TTLL9: variants seen among roughly 807,000 people sequenced by gnomAD.
The protein encoded by TTLL9 is probable tubulin polyglutamylase TTLL9.
TTLL9 carries 47 observed loss-of-function variants against 65.6 expected under a neutral mutation model. The ratio of observed to expected loss-of-function variants is 0.72; its 90% confidence interval spans 0.57 to 0.91. The LOEUF is 0.91. Ranked by LOEUF, TTLL9 falls within the 40% of genes least tolerant of loss-of-function variation. The pLI, the probability that TTLL9 is intolerant of heterozygous loss-of-function variation, is 0.00. For synonymous variants in TTLL9, 179 were observed against 204.8 expected, an observed-to-expected ratio of 0.87 and a Z score of 1.07; for missense variants, 537 against 568.8, an observed-to-expected ratio of 0.94 and a Z score of 0.57.
At chr20:31,877,903 A>G (rs894274541) in intron 2 of TTLL9, among the ~76,000 whole-genome samples, 1 of 152,246 alleles carries the variant, frequency 6.6e-6, no homozygotes, top group Non-Finnish European at 1.5e-5. Flanking sequence ...AACATGGTAT[A>G]TCATTGCATT....
chr20:31,939,488 CATT>C, intron 14 of TTLL9: 1 of 412,680 alleles, frequency 2.4e-6, no homozygotes, highest in South Asian at 5.2e-5. Context: ...GATTCACACT[CATT>C]GTAGAATATT....
chr20:31,924,901 T>A, intron 8 of TTLL9, 108 bp from the exon 9 acceptor site: 1 of 1,231,626 alleles, frequency 8.1e-7, no homozygotes, highest in South Asian at 1.3e-5. Flanking sequence ...AGCAGGAGCT[T>A]CATGAAGGCG....
At chr20:31,911,225 C>T (rs753614296) in intron 6 of TTLL9, among the ~76,000 whole-genome samples, 61 of 152,156 alleles carry the variant, frequency 4.0e-4, no homozygotes, top group African/African-American at 6.3e-4. Flanking sequence ...AGGACAACAG[C>T]GCACCTACCA....
At position 31,906,999 on chromosome 20, in the gene TTLL9, A is replaced by G. The variant is rs11907380; in HGVS notation, c.207-1592A>G. ...GGATATACTGTGGCGTGTTCACCCA[A>G]TGGAATGGGAAATGGCAGTTAGAAT... On this transcript the variant is annotated intron_variant, in intron 4 of 14. Transcript: ENST00000535842. 2.0e-3 allele frequency among the ~76,000 whole-genome samples: 305 copies of G among 152,292 alleles called. 1 individual carries two copies. The highest frequency in any genetic ancestry group is 7.0e-3 in the African/African-American group (291 of 41,558).
intron 13 of TTLL9, among the ~76,000 whole-genome samples, chr20:31,938,816 G>A (rs894004076): frequency 6.6e-6 from 1 of 152,162 alleles, no homozygotes. Flanking sequence ...GGCAGAAGTT[G>A]CAGTGAGCCA....
chr20:31,882,236 G>A (rs746656150), intron 2 of TTLL9, among the ~76,000 whole-genome samples: 1 of 152,162 alleles, frequency 6.6e-6, no homozygotes, highest in Non-Finnish European at 1.5e-5. Context: ...AGTTGTGCTG[G>A]GAACTCTCCA....
At position 31,943,834 on chromosome 20, in the gene TTLL9, C is replaced by A. The variant is rs573163089; in HGVS notation, c.*813C>A. On this transcript the variant is annotated 3_prime_UTR_variant, in exon 15 of 15. Coordinates refer to ENST00000535842, the MANE Select transcript of TTLL9 (RefSeq NM_001008409.5). ...CCTGGGCTCATGGGCAGGACAGCTT[C>A]GGGAGTTGAGTGTGAGTAAAAATCT... The A allele has an allele frequency of 2.2e-6, 1 of 456,612 alleles. No individual in the cohort carries two copies. The highest frequency in any genetic ancestry group is 4.4e-6 in the Non-Finnish European group (1 of 226,950). The allele number at this position is 456,612 out of a possible 1,614,324, so 28.3% of individuals were successfully genotyped here.
chr20:31,911,843 TG>T (rs2063656002), intron 6 of TTLL9, among the ~76,000 whole-genome samples: 171 of 59,486 alleles, frequency 2.9e-3, no homozygotes, highest in African/African-American at 7.1e-3. Flanking sequence ...TGTGTGTGTG[TG>T]TGTGTGTGTG....
At chr20:31,935,425 T>C (rs2064093595) in intron 12 of TTLL9, among the ~76,000 whole-genome samples, 2 of 152,146 alleles carry the variant, frequency 1.3e-5, no homozygotes, top group Admixed American at 6.5e-5. Flanking sequence ...TGAGGTCATG[T>C]AGCAAGTCAA....
intron 6 of TTLL9, among the ~76,000 whole-genome samples, chr20:31,916,551 G>T (rs1483104339): frequency 6.6e-6 from 1 of 152,182 alleles, no homozygotes; most frequent in Non-Finnish European, 1.5e-5. Flanking sequence ...AAGGCATTTT[G>T]TTATCTCACA....
chr20:31,897,302 G>C (rs1400784732), intron 3 of TTLL9, among the ~76,000 whole-genome samples: 1 of 152,216 alleles, frequency 6.6e-6, no homozygotes, highest in Non-Finnish European at 1.5e-5. Flanking sequence ...GCTGTCAAAT[G>C]TAGGTGTGTA....
Position 31,939,265 on chromosome 20 carries a change from C to T in TTLL9, c.1242C>T (p.Leu414=), listed in dbSNP as rs754986295. ...GMGNFVTNTH[L]GCVNDRKKQL... ...GAAACTTTGTGACCAACACACATCT[C>T]GGTATGTAGGGCCAGGTGGGGAGTG... is the stretch of plus-strand genomic sequence containing the variant. The change falls in exon 14 of 15, where the codon CTC becomes CTT. Residue 414 remains leucine (L), a splice_region_variant and synonymous_variant. Transcript: ENST00000535842. 4.0e-5 allele frequency: 65 copies of T among 1,613,092 alleles called. 1 individual carries two copies. The South Asian group carries it at 6.4e-4, about 16-fold the overall frequency.
At chr20:31,925,260 C>G (rs1347526163) in intron 9 of TTLL9, among the ~76,000 whole-genome samples, 1 of 152,164 alleles carries the variant, frequency 6.6e-6, no homozygotes, top group African/African-American at 2.4e-5. Flanking sequence ...TCTAGATTTG[C>G]CCTCTCTCTG....
At position 31,887,202 on chromosome 20, in the gene TTLL9, A is replaced by G; in HGVS notation, c.76A>G (p.Asn26Asp). The G allele has an allele frequency of 6.2e-7, 1 of 1,614,168 alleles. No homozygotes were observed. The highest frequency in any genetic ancestry group is 8.5e-7 in the Non-Finnish European group (1 of 1,180,028). The change falls in exon 3 of 15, where the codon AAT becomes GAT. Residue 26 changes from asparagine (N) to aspartate (D), a missense_variant. Transcript: ENST00000535842. ...TTTCCTTTCCTCATTGCAGAACCAA[A>G]ATTACAAGGGCCATGGATTGTCAAA... ...IRCPKKLQNQ[N>D]YKGHGLSKGK...
intron 4 of TTLL9, among the ~76,000 whole-genome samples, chr20:31,905,228 G>A (rs978971008): frequency 2.0e-5 from 3 of 152,008 alleles, no homozygotes; most frequent in Admixed American, 6.6e-5. Flanking sequence ...CTGCCACCAC[G>A]CTGGGCTAGT....
At chr20:31,912,601 GTA>G (rs1286997164) in intron 6 of TTLL9, among the ~76,000 whole-genome samples, 252 of 114,838 alleles carry the variant, frequency 2.2e-3, no homozygotes, top group East Asian at 4.2e-3. Flanking sequence ...GCGTGTATGT[GTA>G]TGTGTGTGTG....
chr20:31,907,136 C>T lies in TTLL9; in HGVS notation c.207-1455C>T, dbSNP rs190679058. Among the ~76,000 whole-genome samples the T allele has an allele frequency of 3.9e-5, 6 of 152,288 alleles. No homozygotes were observed. In the East Asian group the frequency reaches 9.7e-4, roughly 25 times the overall value. ...AGGGGTTCTAACCACAGAGCTTGGA[C>T]TCTGGAGCCTGAGGCCTGAGTTCAA... is the stretch of plus-strand genomic sequence containing the variant. On this transcript the variant is annotated intron_variant, in intron 4 of 14. Coordinates refer to ENST00000535842, the MANE Select transcript of TTLL9 (RefSeq NM_001008409.5).
At chr20:31,938,849 C>T (rs771837212) in intron 13 of TTLL9, among the ~76,000 whole-genome samples, 23 of 152,196 alleles carry the variant, frequency 1.5e-4, no homozygotes, top group Non-Finnish European at 2.5e-4. Flanking sequence ...TGCACTCCAG[C>T]CTGGGTGACA....
At chr20:31,933,975 G>C in intron 11 of TTLL9, 117 bp downstream of exon 11, 2 of 1,098,594 alleles carry the variant, frequency 1.8e-6, no homozygotes, top group South Asian at 3.2e-5. Flanking sequence ...GTTCACCAGT[G>C]AGGCAGGCCT....
Sources: gnomAD v4.1 joint callset for allele counts (sites outside exome capture counted in the v4.1 genomes callset) on GRCh38, gnomAD v4.1.1 for gene constraint, MANE v1.5 for transcripts, NCBI Gene and HGNC (gene_info 2026-07-23, HGNC 2026-07-21) for gene names.